The following NCAM1 variants were observed in gnomAD, a reference collection of about 807,000 sequenced individuals.
NCAM1 encodes the protein antigen recognized by monoclonal antibody 5.1H11.
In NCAM1, 14 loss-of-function variants were observed where a neutral mutation model predicts 109.8. The ratio of observed to expected loss-of-function variants is 0.13; its 90% CI spans 0.08 to 0.20. The LOEUF is 0.20. Among genes scored for constraint, NCAM1 ranks in the 10% least tolerant of loss-of-function variants. The probability of loss-of-function intolerance (pLI) is 1.00; values close to 1 mark genes in which losing one functional copy is unlikely to be tolerated. For missense variants in NCAM1, 774 were observed against 1,109.9 expected (o/e 0.70, Z 4.30); for synonymous variants, 418 against 442.9 (o/e 0.94, Z 0.70).
chr11:113,237,919 TATAG>T (rs1565521333), intron 14 of NCAM1, among the ~76,000 whole-genome samples: 2,575 of 63,766 alleles, frequency 0.04, 72 homozygotes, highest in Non-Finnish European at 0.061. Context: ...TATATAGATA[TATAG>T]ATATAGATAT....
chr11:113,270,035 G>T, intron 17 of NCAM1, 153 bp from the exon 18 acceptor site: 1 of 702,768 alleles, frequency 1.4e-6, no homozygotes, highest in South Asian at 1.7e-5. Flanking sequence ...TCAATTCTGG[G>T]GCATAGAAGG....
At chr11:113,017,491 T>C (rs1049961979) in intron 1 of NCAM1, among the ~76,000 whole-genome samples, 1 of 152,310 alleles carries the variant, frequency 6.6e-6, no homozygotes. Flanking sequence ...AGCCAGCTTA[T>C]TTAGCAAGCA....
chr11:113,015,055 T>C (rs1940730), intron 1 of NCAM1, among the ~76,000 whole-genome samples: 3,212 of 152,308 alleles, frequency 0.021, 72 homozygotes, highest in East Asian at 0.096. Flanking sequence ...CCATTTCTAG[T>C]TTCTCTTAAT....
chr11:113,046,627 T>C (rs1555080869), intron 1 of NCAM1, among the ~76,000 whole-genome samples: 1 of 152,014 alleles, frequency 6.6e-6, no homozygotes, highest in Non-Finnish European at 1.5e-5. Context: ...AGGTGAAAGA[T>C]AGATGAATGA....
chr11:113,219,636 G>C (rs1294526814), intron 8 of NCAM1, among the ~76,000 whole-genome samples: 1 of 152,220 alleles, frequency 6.6e-6, no homozygotes, highest in Non-Finnish European at 1.5e-5. Context: ...CACAAAAGTA[G>C]AAGGTTATGT....
intron 9 of NCAM1, among the ~76,000 whole-genome samples, chr11:113,223,799 C>G (rs1944753091): frequency 6.6e-6 from 1 of 152,180 alleles, no homozygotes; most frequent in Non-Finnish European, 1.5e-5. Context: ...GCCTGCAGTC[C>G]TGCTTTGTTT....
chr11:113,104,957 TC>T (rs1327321159), intron 1 of NCAM1, among the ~76,000 whole-genome samples: 3 of 152,264 alleles, frequency 2.0e-5, no homozygotes, highest in Non-Finnish European at 2.9e-5. Flanking sequence ...TTGAATCCTC[TC>T]TTTTCATTTG....
chr11:113,270,667 T>G (rs1306640951), intron 18 of NCAM1: 2 of 490,728 alleles, frequency 4.1e-6, no homozygotes, highest in East Asian at 3.6e-5. Flanking sequence ...TAGGTCAAAA[T>G]GAGGGAAATT....
chr11:113,204,297 G>T lies in NCAM1; in HGVS notation c.139G>T (p.Ala47Ser). ...KFFLCQVAGDAKDKDISWFSP... is the reference protein window; with the variant it reads ...KFFLCQVAGDSKDKDISWFSP... ...CTCTTCCTCTTTAGTGGCAGGAGATGCCAAAGATAAAGACATCTCCTGGTT... is the reference window on the plus strand; with the variant it reads ...CTCTTCCTCTTTAGTGGCAGGAGATTCCAAAGATAAAGACATCTCCTGGTT... Residue 47 changes from alanine to serine, a missense_variant, in exon 3 of 20, where the codon GCC becomes TCC. This residue lies in a region of NCAM1 where 112 missense variants were observed against 142.0 expected (regional missense o/e 0.79). Transcript: ENST00000316851. 6.2e-7 allele frequency: 1 copy of T among 1,610,924 alleles called. No individual in the cohort carries two copies. The highest frequency in any genetic ancestry group is 8.5e-7 in the Non-Finnish European group (1 of 1,178,578).
chr11:113,196,127 A>T lies in NCAM1; in HGVS notation c.53-6252A>T, dbSNP rs531041715. Among the ~76,000 whole-genome samples the T allele has an allele frequency of 4.6e-5, 7 of 152,280 alleles. No individual in the cohort carries two copies. The South Asian group carries it at 1.5e-3, about 32-fold the overall frequency. On this transcript the variant is annotated intron_variant, in intron 1 of 19. Coordinates refer to ENST00000316851, the MANE Select transcript of NCAM1 (RefSeq NM_181351.5). ...ATCTGAGAACTCACTTAGTTTACTA[A>T]CTGTCAGAGCTGGAATTTGAACTCA...
At chr11:113,244,260 T>C (rs1945432699) in intron 14 of NCAM1, among the ~76,000 whole-genome samples, 1 of 152,216 alleles carries the variant, frequency 6.6e-6, no homozygotes, top group African/African-American at 2.4e-5. Flanking sequence ...TGAAACACAA[T>C]CTTGGTTCCA....
At chr11:113,013,244 T>C (rs1721483380) in intron 1 of NCAM1, among the ~76,000 whole-genome samples, 1 of 151,850 alleles carries the variant, frequency 6.6e-6, no homozygotes, top group African/African-American at 2.4e-5. Context: ...CTGGCCAACA[T>C]GGTGAGACCC....
chr11:113,098,485 A>G (rs575904245), intron 1 of NCAM1, among the ~76,000 whole-genome samples: 2 of 152,058 alleles, frequency 1.3e-5, no homozygotes, highest in East Asian at 3.9e-4. Context: ...TATTTGATCC[A>G]CGGTTGGTTG....
intron 1 of NCAM1, among the ~76,000 whole-genome samples, chr11:113,034,814 C>A (rs1555078885): frequency 1.3e-5 from 2 of 152,188 alleles, no homozygotes; most frequent in African/African-American, 4.8e-5. Context: ...CCCCAAACCC[C>A]AGGGATCTAG....
chr11:113,042,434 C>T (rs545221825), intron 1 of NCAM1, among the ~76,000 whole-genome samples: 34 of 152,190 alleles, frequency 2.2e-4, no homozygotes, highest in Non-Finnish European at 3.8e-4. Context: ...TTGCCTTCTC[C>T]CTTTCTGACT....
intron 1 of NCAM1, among the ~76,000 whole-genome samples, chr11:113,028,272 C>G (rs1399152500): frequency 6.6e-6 from 1 of 152,046 alleles, no homozygotes; most frequent in African/African-American, 2.4e-5. Flanking sequence ...TATACATGTA[C>G]CGGAACATCA....
rs960804375 is a variant in NCAM1 at position 113,273,463 on chromosome 11, A to T, written c.2456+1587A>T. The stretch of plus-strand genomic sequence containing the variant: ...GAGGCTCCCAGCACCAAAGGCCCGG[A>T]CCCGGAGCCCACCCAGCCCGGAGCC... On this transcript the variant is annotated intron_variant, in intron 19 of 19. Coordinates refer to ENST00000316851, the MANE Select transcript of NCAM1 (RefSeq NM_181351.5). This position sits in a 1 kb window ranked among gnomAD's most constrained non-coding sequence, Gnocchi z 6.0. 5 of 333,940 alleles carry T rather than the reference A, an allele frequency of 1.5e-5. No individual in the cohort carries two copies. The highest frequency in any genetic ancestry group is 8.3e-5 in the East Asian group (1 of 12,082). The allele number at this position is 333,940 out of a possible 1,614,324, so 20.7% of individuals were successfully genotyped here.
intron 1 of NCAM1, among the ~76,000 whole-genome samples, chr11:113,181,530 G>T (rs782057302): frequency 6.6e-6 from 1 of 152,130 alleles, no homozygotes; most frequent in Non-Finnish European, 1.5e-5. Flanking sequence ...GTGGAGGACT[G>T]GGGGACGGAG....
chr11:113,072,579 A>G (rs1485673367), intron 1 of NCAM1, among the ~76,000 whole-genome samples: 1 of 152,182 alleles, frequency 6.6e-6, no homozygotes, highest in Non-Finnish European at 1.5e-5. Context: ...TACATTACCT[A>G]ACCATAGAGG....
Sources: allele counts gnomAD v4.1 joint callset (sites outside exome capture counted in the v4.1 genomes callset), GRCh38; gene constraint gnomAD v4.1.1; regional missense constraint gnomAD v4.1.1; non-coding constraint Gnocchi (gnomAD v3.1); transcripts MANE v1.5; gene names NCBI Gene and HGNC (gene_info 2026-07-23, HGNC 2026-07-21).